RNF38: variants seen among roughly 807,000 people sequenced by gnomAD.
RNF38 encodes the protein ring finger protein 38.
A neutral mutation model predicts 67.2 loss-of-function variants in RNF38; 15 were observed. That is an observed-to-expected ratio of 0.22 (90% CI 0.15 to 0.34). The LOEUF (loss-of-function observed/expected upper bound fraction) is 0.34. RNF38 is among the 10% of genes least tolerant of loss of function. RNF38 has a pLI of 1.00. For synonymous variants in RNF38, 220 were observed against 218.8 expected (o/e 1.01, Z -0.05); for missense variants, 524 against 639.9 (o/e 0.82, Z 1.95).
chr9:36,405,536 T>C (rs1214083821), upstream of RNF38, among the ~76,000 whole-genome samples: 1 of 152,254 alleles, frequency 6.6e-6, no homozygotes, highest in Non-Finnish European at 1.5e-5. Flanking sequence ...CAAAGACTTA[T>C]GCTAGCTTCA....
At chr9:36,397,943 T>G (rs1047962796) in intron 1 of RNF38, among the ~76,000 whole-genome samples, 1 of 152,028 alleles carries the variant, frequency 6.6e-6, no homozygotes, top group Non-Finnish European at 1.5e-5. Flanking sequence ...AATAAAAAAT[T>G]TTATACACTC....
chr9:36,477,417 T>C (rs1382205886), intron 1 of RNF38, among the ~76,000 whole-genome samples: 4 of 151,976 alleles, frequency 2.6e-5, no homozygotes, highest in Non-Finnish European at 5.9e-5. Flanking sequence ...CACTCATGCC[T>C]ATAATCCCAG....
chr9:36,361,175 C>T (rs915287346), intron 4 of RNF38, among the ~76,000 whole-genome samples: 10 of 151,988 alleles, frequency 6.6e-5, no homozygotes, highest in African/African-American at 2.4e-4. Context: ...TTTCCCCATA[C>T]TAAGAAAAAT....
chr9:36,448,667 C>A (rs760569008), intron 1 of RNF38, among the ~76,000 whole-genome samples: 3 of 152,094 alleles, frequency 2.0e-5, no homozygotes, highest in African/African-American at 7.2e-5. Context: ...AAATTGCCTG[C>A]CCCACCCCCA....
chr9:36,464,895 G>A (rs983364494), intron 1 of RNF38, among the ~76,000 whole-genome samples: 5 of 152,146 alleles, frequency 3.3e-5, no homozygotes, highest in Middle Eastern at 3.2e-3. Context: ...GTACTAAAAT[G>A]CTTGTTTTAC....
At chr9:36,364,537 GTTA>G (rs1245300467) in intron 4 of RNF38, among the ~76,000 whole-genome samples, 1 of 152,122 alleles carries the variant, frequency 6.6e-6, no homozygotes, top group Non-Finnish European at 1.5e-5. Context: ...TTGGTCAAAC[GTTA>G]TTATGTAGCA....
At position 36,369,919 on chromosome 9, in the gene RNF38, G is replaced by A. The variant is rs1388289325; in HGVS notation, c.370C>T (p.Arg124Cys). 1.1e-5 allele frequency: 18 copies of A among 1,612,564 alleles called. No homozygotes were observed. The highest frequency in any genetic ancestry group is 1.3e-5 in the African/African-American group (1 of 74,970). Reference protein sequence around the residue: ...ARNRRSPPVRRQRGRRDRLSR... With the variant: ...ARNRRSPPVRCQRGRRDRLSR... ...AGACGATCCCTTCTTCCTCTCTGGC[G>A]CCTGACAGGAGGACTGTGATAAATA... is the stretch of plus-strand genomic sequence containing the variant. The change falls in exon 4 of 12, where the codon CGC (arginine) becomes TGC (cysteine). Residue 124 changes from arginine (R) to cysteine (C), a missense_variant. Transcript: ENST00000259605.
intron 1 of RNF38, among the ~76,000 whole-genome samples, chr9:36,478,748 C>G (rs138742447): frequency 6.9e-6 from 1 of 145,774 alleles, no homozygotes; most frequent in African/African-American, 2.5e-5. Flanking sequence ...ACCCAGAAGG[C>G]GGAGGTTGCG....
chr9:36,422,429 C>CA (rs527953202), intron 2 of RNF38, among the ~76,000 whole-genome samples: 6,471 of 143,806 alleles, frequency 0.045, 398 homozygotes, highest in African/African-American at 0.14. Context: ...CACCAAAAAA[C>CA]AAAAAAAAAA....
At chr9:36,376,478 T>A (rs1835793395) in intron 2 of RNF38, among the ~76,000 whole-genome samples, 1 of 152,192 alleles carries the variant, frequency 6.6e-6, no homozygotes, top group Non-Finnish European at 1.5e-5. Context: ...AAAATTACAC[T>A]ACACTACAAT....
chr9:36,399,535 A>C (rs527260244), intron 1 of RNF38, among the ~76,000 whole-genome samples: 27 of 148,594 alleles, frequency 1.8e-4, no homozygotes, highest in Admixed American at 3.4e-4. Flanking sequence ...TATATTATAA[A>C]TATATATTTA....
intron 1 of RNF38, among the ~76,000 whole-genome samples, chr9:36,397,399 C>T (rs565087884): frequency 6.6e-6 from 1 of 152,078 alleles, no homozygotes; most frequent in East Asian, 1.9e-4. Flanking sequence ...CAGGCGTGAG[C>T]TAAAAAATAA....
chr9:36,424,558 GCAA>G (rs781637580), intron 2 of RNF38: 293 of 757,034 alleles, frequency 3.9e-4, no homozygotes, highest in Non-Finnish European at 4.6e-4. Flanking sequence ...AGAGAATCCA[GCAA>G]CGTAAGGTTG....
chr9:36,395,594 C>T (rs750848496), intron 1 of RNF38, among the ~76,000 whole-genome samples: 8 of 152,146 alleles, frequency 5.3e-5, no homozygotes, highest in African/African-American at 1.7e-4. Flanking sequence ...TCCAAAACTC[C>T]AAATATTCTC....
intron 1 of RNF38, among the ~76,000 whole-genome samples, chr9:36,484,377 C>A (rs929614816): frequency 3.3e-5 from 5 of 152,210 alleles, no homozygotes; most frequent in African/African-American, 1.2e-4. Flanking sequence ...ACAGGCTGCG[C>A]TAGGCTGGAG....
intron 1 of RNF38, among the ~76,000 whole-genome samples, chr9:36,448,216 T>C (rs1005685408): frequency 2.6e-5 from 4 of 152,214 alleles, no homozygotes; most frequent in African/African-American, 9.6e-5. Context: ...GCCACTATGT[T>C]TGTATTCATT....
intron 1 of RNF38, among the ~76,000 whole-genome samples, chr9:36,461,866 T>G (rs1457417886): frequency 1.3e-5 from 2 of 152,176 alleles, no homozygotes; most frequent in Admixed American, 1.3e-4. Context: ...GAACTCCCTA[T>G]AAAATACAAA....
chr9:36,378,937 G>A (rs897290731), intron 2 of RNF38, among the ~76,000 whole-genome samples: 1 of 144,402 alleles, frequency 6.9e-6, no homozygotes, highest in Admixed American at 7.0e-5. Context: ...TTTCACTCTT[G>A]TTGCCCAGGC....
At chr9:36,395,426 G>A (rs536056835) in intron 1 of RNF38, among the ~76,000 whole-genome samples, 3 of 151,862 alleles carry the variant, frequency 2.0e-5, no homozygotes, top group Middle Eastern at 3.4e-3. Flanking sequence ...AGGTGTTCAC[G>A]AAGGCCCACA....
Sources: allele counts gnomAD v4.1 joint callset (sites outside exome capture counted in the v4.1 genomes callset), GRCh38; gene constraint gnomAD v4.1.1; transcripts MANE v1.5; gene names NCBI Gene and HGNC (gene_info 2026-07-23, HGNC 2026-07-21).